CPB2: variants seen among roughly 807,000 people sequenced by gnomAD.
CPB2 encodes the protein carboxypeptidase B2, also known as carboxypeptidase B-like protein.
CPB2 carries 54 observed loss-of-function variants against 57.0 expected under a neutral mutation model. That is an observed-to-expected ratio of 0.95 (90% CI 0.76 to 1.19). The LOEUF is 1.19. Ranked by LOEUF, CPB2 falls within the 50% of genes most tolerant of loss-of-function variation. CPB2 has a pLI of 0.00. For missense variants in CPB2, 426 were observed against 512.0 expected (o/e 0.83, Z 1.62); for synonymous variants, 189 against 178.1 (o/e 1.06, Z -0.49).
intron 7 of CPB2, among the ~76,000 whole-genome samples, 166 bp from the exon 8 acceptor site, chr13:46,064,907 T>C (rs2044830471): frequency 1.1e-4 from 16 of 152,220 alleles, no homozygotes; most frequent in Admixed American, 1.0e-3. Context: ...CTTTGCACGG[T>C]CCCTATTGCT....
chr13:46,095,521 T>G (rs1406740174), intron 1 of CPB2, among the ~76,000 whole-genome samples: 1 of 152,196 alleles, frequency 6.6e-6, no homozygotes, highest in Non-Finnish European at 1.5e-5. Context: ...GCAGCCATAG[T>G]GCTTGATGTG....
At chr13:46,091,454 T>A (rs1391629019) in intron 1 of CPB2, among the ~76,000 whole-genome samples, 1 of 152,258 alleles carries the variant, frequency 6.6e-6, no homozygotes, top group Non-Finnish European at 1.5e-5. Context: ...AAGAAAAACC[T>A]TAAAATATTT....
intron 1 of CPB2, among the ~76,000 whole-genome samples, chr13:46,104,110 G>A (rs1182640967): frequency 6.6e-6 from 1 of 151,652 alleles, no homozygotes; most frequent in Non-Finnish European, 1.5e-5. Context: ...CATTTTTTTG[G>A]TGGTAGAATG....
intron 1 of CPB2, among the ~76,000 whole-genome samples, chr13:46,089,214 G>A (rs2045255433): frequency 6.6e-6 from 1 of 151,488 alleles, no homozygotes; most frequent in African/African-American, 2.4e-5. Context: ...TTTTTCCCAG[G>A]GATCCACTAT....
In CPB2 at chr13:46,105,004, C is replaced by T; in HGVS notation, c.6G>A (p.Lys2=). The T allele has an allele frequency of 6.2e-7, 1 of 1,613,924 alleles. No homozygotes were observed. Among genetic ancestry groups the T allele is most frequent in the Non-Finnish European group, 8.5e-7 (1 of 1,179,866 alleles). The change falls in exon 1 of 11, where the codon AAG becomes AAA. Residue 2 remains lysine (K), a synonymous_variant. Transcript: ENST00000181383. Reference sequence around the variant, plus strand: ...GTACAAGGACTGCAAGGCTGCAAAGCTTCATCCCAACAGCAATTTTCTGTA... The same window carrying T: ...GTACAAGGACTGCAAGGCTGCAAAGTTTCATCCCAACAGCAATTTTCTGTA... M[K]LCSLAVLVPI...
intron 8 of CPB2, among the ~76,000 whole-genome samples, chr13:46,061,483 A>G (rs897318328): frequency 2.6e-5 from 4 of 152,348 alleles, no homozygotes; most frequent in African/African-American, 7.2e-5. Flanking sequence ...AGTCATAGGC[A>G]TGGGGCTCTA....
intron 3 of CPB2, among the ~76,000 whole-genome samples, chr13:46,083,470 AG>A (rs1216174762): frequency 6.6e-6 from 1 of 152,198 alleles, no homozygotes; most frequent in East Asian, 1.9e-4. Flanking sequence ...CATATTATCC[AG>A]GGGGCACCCA....
intron 1 of CPB2, among the ~76,000 whole-genome samples, chr13:46,104,147 C>T (rs17844153): frequency 0.032 from 4,882 of 152,180 alleles, 256 homozygotes; most frequent in African/African-American, 0.11. Context: ...TATTCCTTTG[C>T]CCTATGTCTC....
At chr13:46,068,604 A>G (rs554768951) in intron 6 of CPB2, among the ~76,000 whole-genome samples, 9 of 152,242 alleles carry the variant, frequency 5.9e-5, no homozygotes, top group East Asian at 1.9e-4. Context: ...CAGGTTTGTT[A>G]CATAGTTATA....
chr13:46,090,924 C>T (rs987284331), intron 1 of CPB2, among the ~76,000 whole-genome samples: 4 of 151,712 alleles, frequency 2.6e-5, no homozygotes, highest in Non-Finnish European at 4.4e-5. Flanking sequence ...CTGGGTTTCA[C>T]TATGTTGGTC....
Position 46,053,794 on chromosome 13 carries a change from T to G in CPB2, c.1092A>C (p.Leu364=). The change falls in exon 11 of 11, where the codon CTA becomes CTC. Residue 364 remains leucine (L), a synonymous_variant. Transcript: ENST00000181383. ...THGHGSETLY[L]APGGGDDWIY... is the part of the protein sequence containing the mutation. ...TCCAATCGTCCCCACCTCCAGGAGC[T>G]AGGTCTAAAAGAAGAAGAAAGAAAT... 1 of 1,613,272 alleles carries G rather than the reference T, an allele frequency of 6.2e-7. No individual in the cohort carries two copies. The highest frequency in any genetic ancestry group is 1.1e-5 in the South Asian group (1 of 91,044).
intron 9 of CPB2, among the ~76,000 whole-genome samples, chr13:46,056,966 C>T (rs1257229396): frequency 2.0e-5 from 3 of 152,174 alleles, no homozygotes; most frequent in Non-Finnish European, 2.9e-5. Context: ...GTCTGTGCCA[C>T]GTATTTAGTA....
intron 10 of CPB2, 110 bp from the exon 11 acceptor site, chr13:46,053,908 T>A: frequency 9.0e-7 from 1 of 1,106,480 alleles, no homozygotes; most frequent in East Asian, 2.6e-5. Context: ...TAGATTTTTT[T>A]CAGTTTTTAA....
chr13:46,077,193 C>T (rs1278735566), intron 5 of CPB2, among the ~76,000 whole-genome samples: 1 of 151,848 alleles, frequency 6.6e-6, no homozygotes, highest in Non-Finnish European at 1.5e-5. Context: ...ACTTAATAAC[C>T]AGAATATATA....
At chr13:46,090,785 G>A (rs1317205435) in intron 1 of CPB2, among the ~76,000 whole-genome samples, 15 of 150,640 alleles carry the variant, frequency 1.0e-4, no homozygotes, top group Admixed American at 8.6e-4. Flanking sequence ...GTGCAGTGGC[G>A]CCATCTCGGC....
chr13:46,105,033 C>G lies in CPB2; in HGVS notation c.-24G>C, dbSNP rs1360703794. The G allele has an allele frequency of 6.2e-7, 1 of 1,613,694 alleles. No individual in the cohort carries two copies. Among genetic ancestry groups the G allele is most frequent in the Admixed American group, 1.7e-5 (1 of 59,958 alleles). On this transcript the variant is annotated 5_prime_UTR_variant, in exon 1 of 11. Transcript: ENST00000181383. Reference sequence around the variant, plus strand: ...ATCCCAACAGCAATTTTCTGTACAACAAATTTCTCTGAAGAGAAAAACCCA... The same window carrying G: ...ATCCCAACAGCAATTTTCTGTACAAGAAATTTCTCTGAAGAGAAAAACCCA...
chr13:46,104,685 C>A (rs1219266924), intron 1 of CPB2, among the ~76,000 whole-genome samples: 1 of 152,202 alleles, frequency 6.6e-6, no homozygotes, highest in Non-Finnish European at 1.5e-5. Flanking sequence ...TCCATAGTCA[C>A]TGGATATGCG....
In CPB2 at chr13:46,064,719, C is replaced by CG. The variant is rs1566400154; in HGVS notation, c.724dup (p.Arg242ProfsTer16). The CG allele has an allele frequency of 6.2e-7, 1 of 1,613,838 alleles. No individual in the cohort carries two copies. Among genetic ancestry groups the CG allele is most frequent in the East Asian group, 2.2e-5 (1 of 44,874 alleles). On this transcript the variant is annotated frameshift_variant, in exon 8 of 11. Transcript: ENST00000181383. LOFTEE classifies it high-confidence loss of function. ...GCAATGATTGTTCGCATAGAAAGAA[C>CG]GGTTCTTTCTCCACATTCGATTCTA...
intron 1 of CPB2, chr13:46,100,912 A>G (rs1314439215): frequency 6.6e-6 from 1 of 152,224 alleles, no homozygotes; most frequent in Non-Finnish European, 1.5e-5. Context: ...CACAACTCTA[A>G]GAAGTTAGAA....
Sources: allele counts gnomAD v4.1 joint callset (sites outside exome capture counted in the v4.1 genomes callset), GRCh38; gene constraint gnomAD v4.1.1; transcripts MANE v1.5; gene names NCBI Gene and HGNC (gene_info 2026-07-23, HGNC 2026-07-21).